SCAMP1: variants seen among roughly 807,000 people sequenced by gnomAD.
SCAMP1 encodes the protein secretory carrier membrane protein 1, also known as secretory carrier-associated membrane protein 1.
A neutral mutation model predicts 41.8 loss-of-function variants in SCAMP1; 15 were observed. The observed-to-expected ratio is 0.36, with a 90% confidence interval of 0.24 to 0.55. SCAMP1 has a LOEUF of 0.55. SCAMP1 is among the 20% of genes least tolerant of loss of function. SCAMP1 has a pLI of 0.86. For missense variants in SCAMP1, 341 were observed against 412.6 expected (o/e 0.83, Z 1.50); for synonymous variants, 135 against 136.8 (o/e 0.99, Z 0.09).
chr5:78,414,572 C>T (rs1176452895), intron 2 of SCAMP1, among the ~76,000 whole-genome samples: 2 of 152,176 alleles, frequency 1.3e-5, no homozygotes, highest in South Asian at 2.1e-4. Context: ...TAGGACACTG[C>T]GCCCGGCCAG....
intron 6 of SCAMP1, among the ~76,000 whole-genome samples, chr5:78,424,719 C>CA (rs980193407): frequency 1.5e-4 from 22 of 149,746 alleles, no homozygotes; most frequent in African/African-American, 4.2e-4. Flanking sequence ...GATCCTGCCT[C>CA]AAAAAAAAAG....
rs771462979 is a variant in SCAMP1, at chr5:78,431,278, CT to C, written c.632+9332del. Among the ~76,000 whole-genome samples, 575 of 139,746 alleles carry C rather than the reference CT, an allele frequency of 4.1e-3. 2 individuals carry two copies. The highest frequency in any genetic ancestry group is 5.0e-3 in the East Asian group (24 of 4,836). The allele number at this position is 139,746 out of a possible 152,430, so 91.7% of individuals were successfully genotyped here. On this transcript the variant is annotated intron_variant, in intron 6 of 8. Coordinates refer to ENST00000621999, the MANE Select transcript of SCAMP1 (RefSeq NM_004866.6). ...TCAAAATATTCAAAATGCTTTTGTACTTTTTTTTTTTTTTAGCATTTTGTAA... is the reference window on the plus strand; with the variant it reads ...TCAAAATATTCAAAATGCTTTTGTACTTTTTTTTTTTTTAGCATTTTGTAA...
chr5:78,469,937 A>AAAAAAAAAAAAAT, intron 8 of SCAMP1, among the ~76,000 whole-genome samples: 1 of 20,380 alleles, frequency 4.9e-5, no homozygotes, highest in Non-Finnish European at 1.0e-4. Context: ...AAAAAACAAC[A>AAAAAAAAAAAAAT]ACACAGCCCA....
chr5:78,386,269 A>G (rs1235768588), intron 1 of SCAMP1, among the ~76,000 whole-genome samples: 3 of 152,088 alleles, frequency 2.0e-5, no homozygotes, highest in Non-Finnish European at 2.9e-5. Flanking sequence ...TATAAAAATA[A>G]CTACTCTTGC....
At chr5:78,402,677 A>G (rs1751828673) in intron 2 of SCAMP1, among the ~76,000 whole-genome samples, 2 of 152,030 alleles carry the variant, frequency 1.3e-5, no homozygotes, top group South Asian at 2.1e-4. Flanking sequence ...CCATATGTTT[A>G]TTTATATTTA....
chr5:78,400,317 T>C (rs942977833), intron 2 of SCAMP1, among the ~76,000 whole-genome samples: 2 of 152,208 alleles, frequency 1.3e-5, no homozygotes, highest in Non-Finnish European at 2.9e-5. Flanking sequence ...CCAACTTTAT[T>C]CTTCTCTTTC....
At chr5:78,362,895 C>CTTTTTTTTTTTTTTTTTTTTTTTTTT (rs397962842) in intron 1 of SCAMP1, among the ~76,000 whole-genome samples, 1 of 136,606 alleles carries the variant, frequency 7.3e-6, no homozygotes. Flanking sequence ...TCTTTTTTTA[C>CTTTTTTTTTTTTTTTTTTTTTTTTTT]TTTTTTTTTT....
chr5:78,386,964 G>A (rs942293905), intron 1 of SCAMP1, among the ~76,000 whole-genome samples: 1 of 152,110 alleles, frequency 6.6e-6, no homozygotes, highest in African/African-American at 2.4e-5. Flanking sequence ...GAATTTCTCA[G>A]GTGTTTTTTG....
intron 6 of SCAMP1, among the ~76,000 whole-genome samples, chr5:78,431,473 AT>A (rs1295396660): frequency 7.0e-6 from 1 of 142,774 alleles, no homozygotes; most frequent in Non-Finnish European, 1.5e-5. Flanking sequence ...AAAATCTGTC[AT>A]TTTACCATCT....
chr5:78,415,655 A>G (rs1752193277), intron 3 of SCAMP1, 37 bp downstream of exon 3: 1 of 1,226,600 alleles, frequency 8.2e-7, no homozygotes, highest in Non-Finnish European at 1.2e-6. Context: ...CATATTGGCC[A>G]TTATAATATC....
chr5:78,426,213 G>C (rs186305347), intron 6 of SCAMP1, among the ~76,000 whole-genome samples: 2 of 152,096 alleles, frequency 1.3e-5, no homozygotes, highest in East Asian at 3.8e-4. Context: ...CATTTGGGTT[G>C]GTTCCAAGTC....
intron 2 of SCAMP1, among the ~76,000 whole-genome samples, chr5:78,403,314 A>T (rs1163984613): frequency 6.6e-6 from 1 of 152,186 alleles, no homozygotes; most frequent in Non-Finnish European, 1.5e-5. Context: ...TGAGTGCCTT[A>T]TAATAAGAAT....
At chr5:78,455,613 C>G (rs1225728488) in intron 7 of SCAMP1, among the ~76,000 whole-genome samples, 3 of 113,720 alleles carry the variant, frequency 2.6e-5, no homozygotes, top group Non-Finnish European at 5.3e-5. Flanking sequence ...AGTATGTGGT[C>G]AATTTTGGAA....
intron 8 of SCAMP1, among the ~76,000 whole-genome samples, chr5:78,473,648 C>T (rs1042747361): frequency 2.6e-5 from 4 of 152,032 alleles, no homozygotes; most frequent in Admixed American, 1.3e-4. Context: ...TCTTTTAAGT[C>T]CCCAATATCT....
intron 2 of SCAMP1, among the ~76,000 whole-genome samples, chr5:78,395,336 C>G (rs1751625241): frequency 6.6e-6 from 1 of 152,166 alleles, no homozygotes; most frequent in African/African-American, 2.4e-5. Context: ...GAGACTGACT[C>G]CCCATTGTAT....
At chr5:78,464,744 C>T (rs965606657) in intron 8 of SCAMP1, among the ~76,000 whole-genome samples, 1 of 152,084 alleles carries the variant, frequency 6.6e-6, no homozygotes, top group African/African-American at 2.4e-5. Flanking sequence ...GCCTTAATAA[C>T]CTAATGATGA....
intron 1 of SCAMP1, among the ~76,000 whole-genome samples, chr5:78,380,017 CAT>C (rs1293486641): frequency 6.6e-6 from 1 of 152,146 alleles, no homozygotes; most frequent in African/African-American, 2.4e-5. Flanking sequence ...TTTTAAAAAA[CAT>C]AAACACACAT....
At chr5:78,362,040 G>A (rs892104440) in intron 1 of SCAMP1, among the ~76,000 whole-genome samples, 1 of 151,778 alleles carries the variant, frequency 6.6e-6, no homozygotes, top group Non-Finnish European at 1.5e-5. Flanking sequence ...TTAAAATTCA[G>A]TACAACTGGC....
chr5:78,402,392 C>T (rs564038329), intron 2 of SCAMP1, among the ~76,000 whole-genome samples: 4 of 151,880 alleles, frequency 2.6e-5, no homozygotes, highest in South Asian at 2.1e-4. Flanking sequence ...CCTGCTAGAT[C>T]GGTCCGTTTC....
Sources: allele counts gnomAD v4.1 joint callset (sites outside exome capture counted in the v4.1 genomes callset), GRCh38; gene constraint gnomAD v4.1.1; transcripts MANE v1.5; gene names NCBI Gene and HGNC (gene_info 2026-07-23, HGNC 2026-07-21).